Variants in ERCC6 observed in about 807,000 individuals in gnomAD.
ERCC6 encodes the protein DNA excision repair protein ERCC-6.
In ERCC6, 116 loss-of-function variants were observed where a neutral mutation model predicts 158.7. The ratio of observed to expected loss-of-function variants is 0.73; its 90% CI spans 0.63 to 0.85. ERCC6 has a LOEUF of 0.85. Among genes scored for constraint, ERCC6 ranks in the 40% least tolerant of loss-of-function variants. ERCC6 has a pLI of 0.00. For missense variants in ERCC6, 1,698 were observed against 1,799.4 expected, an observed-to-expected ratio of 0.94 and a Z score of 1.02; for synonymous variants, 678 against 659.3, an observed-to-expected ratio of 1.03 and a Z score of -0.43.
intron 5 of ERCC6, chr10:49,516,755 A>T: frequency 1.9e-6 from 3 of 1,614,154 alleles, no homozygotes; most frequent in East Asian, 2.2e-5. Context: ...CGGGTTGTAC[A>T]GTTAGGTCGG....
the ERCC6 span, among the ~76,000 whole-genome samples, chr10:49,441,132 T>C: frequency 6.6e-6 from 1 of 152,220 alleles, no homozygotes; most frequent in African/African-American, 2.4e-5. Context: ...AAATATATAA[T>C]GGTTTATTGC....
At chr10:49,479,440 T>G (rs1484032770) in intron 10 of ERCC6, among the ~76,000 whole-genome samples, 3 of 152,202 alleles carry the variant, frequency 2.0e-5, no homozygotes, top group Admixed American at 2.0e-4. Flanking sequence ...TGCATGTGCG[T>G]AAATATTAAA....
Position 49,505,994 on chromosome 10 carries a change from T to C in ERCC6, c.1416A>G (p.Arg472=), listed in dbSNP as rs779687046. The C allele has an allele frequency of 6.2e-7, 1 of 1,613,348 alleles. No homozygotes were observed. Among genetic ancestry groups the C allele is most frequent in the East Asian group, 2.2e-5 (1 of 44,858 alleles). ...TCAGACGTTTCTCTTTGTCCTGCAG[T>C]CTCAGTTTATTCCATCTCCTACCAT... is the stretch of plus-strand genomic sequence containing the variant. ...KQRLRRWNKL[R]LQDKEKRLKL... Residue 472 remains arginine (R), a synonymous_variant, in exon 6 of 21, where the codon AGA becomes AGG. Transcript: ENST00000355832.
At position 49,513,322 on chromosome 10, in the gene ERCC6, T is replaced by C. The variant is rs554908197; in HGVS notation, c.1398-7310A>G. 5.3e-5 allele frequency among the ~76,000 whole-genome samples: 8 copies of C among 152,296 alleles called. No homozygotes were observed. In the East Asian group the frequency reaches 1.5e-3, roughly 29 times the overall value. Reference sequence around the variant, plus strand: ...CTCTGGACAAGTTTTGTTTTGAGATTACATATACACACATACATACATATT... The same window carrying C: ...CTCTGGACAAGTTTTGTTTTGAGATCACATATACACACATACATACATATT... On this transcript the variant is annotated intron_variant, in intron 5 of 20. Coordinates refer to ENST00000355832, the MANE Select transcript of ERCC6 (RefSeq NM_000124.4).
At position 49,470,251 on chromosome 10, in the gene ERCC6, C is replaced by T; in HGVS notation, c.3709G>A (p.Glu1237Lys). 6.2e-7 allele frequency: 1 copy of T among 1,614,144 alleles called. No homozygotes were observed. Among genetic ancestry groups the T allele is most frequent in the Non-Finnish European group, 8.5e-7 (1 of 1,180,024 alleles). Residue 1237 changes from glutamate to lysine, a missense_variant, in exon 18 of 21, where the codon GAA becomes AAA. By Grantham distance (56) the Glu-to-Lys change is moderately conservative. Coordinates refer to ENST00000355832, the MANE Select transcript of ERCC6 (RefSeq NM_000124.4). Reference protein sequence around the residue: ...KKRRYQKQDSENKSEAKEQSN... With the variant: ...KKRRYQKQDSKNKSEAKEQSN... ...TGTTCCTTGGCCTCACTCTTGTTTT[C>T]ACTGTCTTGCTTCTGGTAACGCCTT...
At chr10:49,513,267 T>C (rs769452612) in intron 5 of ERCC6, among the ~76,000 whole-genome samples, 1 of 152,194 alleles carries the variant, frequency 6.6e-6, no homozygotes, top group Admixed American at 6.5e-5. Context: ...CCCTATGCTA[T>C]ATACTGCCTC....
rs541909446 is a variant in ERCC6 at position 49,461,556 on chromosome 10, A to T, written c.3779T>A (p.Val1260Asp). Residue 1260 changes from valine (V) to aspartate (D), a missense_variant and splice_region_variant, in exon 19 of 21, where the codon GTT becomes GAT. By Grantham distance (152) the Val-to-Asp change is radical. Transcript: ENST00000355832. ...GTGCTTCATGACACTGTGCACGCCA[A>T]CTAGCAAGAAAAGAAATAGCAAAGT... ...YVLEKLFKKSVGVHSVMKHDA... is the reference protein window; with the variant it reads ...YVLEKLFKKSDGVHSVMKHDA... The T allele has an allele frequency of 3.7e-6, 6 of 1,612,338 alleles. No homozygotes were observed. The South Asian group carries it at 5.5e-5, about 15-fold the overall frequency.
rs1250597594 is a variant in ERCC6, at chr10:49,483,426, A to G, written c.1912T>C (p.Tyr638His). ...IRLMQDDISR[Y>H]DWHYVILDEG... ...TCCAAGATCACATAGTGCCAGTCAT[A>G]CCTGCTAATGTCATCCTGCATCAAT... The change falls in exon 9 of 21, where the codon TAT becomes CAT. Residue 638 changes from tyrosine (Y) to histidine (H), a missense_variant. Physicochemically the swap from Tyr to His is moderately conservative, Grantham distance 83. Transcript: ENST00000355832. The G allele has an allele frequency of 6.2e-7, 1 of 1,614,036 alleles. No homozygotes were observed. The highest frequency in any genetic ancestry group is 2.2e-5 in the East Asian group (1 of 44,882).
At chr10:49,435,584 T>C in the ERCC6 span, among the ~76,000 whole-genome samples, 1 of 152,178 alleles carries the variant, frequency 6.6e-6, no homozygotes. Context: ...TTGGAAGAAA[T>C]CATATTGAAA....
intron 8 of ERCC6, among the ~76,000 whole-genome samples, chr10:49,491,602 A>C (rs1334130441): frequency 6.6e-6 from 1 of 152,194 alleles, no homozygotes; most frequent in Non-Finnish European, 1.5e-5. Flanking sequence ...ATTTCACCAA[A>C]TTTACTGTCA....
At chr10:49,519,481 G>A (rs1326049478) in intron 5 of ERCC6, among the ~76,000 whole-genome samples, 3 of 152,156 alleles carry the variant, frequency 2.0e-5, no homozygotes, top group Admixed American at 6.5e-5. Context: ...GAAAGGTGGC[G>A]AGGGAGCCTT....
chr10:49,473,807 C>T (rs1235914728), intron 13 of ERCC6, among the ~76,000 whole-genome samples: 1 of 152,218 alleles, frequency 6.6e-6, no homozygotes, highest in Non-Finnish European at 1.5e-5. Context: ...CCTAAACTTA[C>T]TTGCAGACTA....
intron 1 of ERCC6, among the ~76,000 whole-genome samples, chr10:49,537,928 G>A (rs904332995): frequency 6.6e-6 from 1 of 152,174 alleles, no homozygotes; most frequent in Non-Finnish European, 1.5e-5. Context: ...CACCACGTTG[G>A]TAAGGCTGGT....
In ERCC6 at chr10:49,532,605, G is replaced by A. The variant is rs2132639019; in HGVS notation, c.360C>T (p.Ala120=). ...CGTCAACGAGCTGGGAGGCACGGCT[G>A]GCCTCATGGATGGCATTGTCCACCT... ...LQQVDNAIHE[A]SRASQLVDVE... Residue 120 remains alanine (A), a synonymous_variant, in exon 2 of 21, where the codon GCC becomes GCT. Coordinates refer to ENST00000355832, the MANE Select transcript of ERCC6 (RefSeq NM_000124.4). 1.2e-6 allele frequency: 2 copies of A among 1,614,194 alleles called. No individual in the cohort carries two copies. The highest frequency in any genetic ancestry group is 2.2e-5 in the East Asian group (1 of 44,878).
At chr10:49,538,836 C>A (rs527280158) in intron 1 of ERCC6, 126 bp downstream of exon 1, 1 of 152,274 alleles carries the variant, frequency 6.6e-6, no homozygotes, top group Non-Finnish European at 1.5e-5. Flanking sequence ...CGCTACAGTG[C>A]GTCCTCGCTG....
intron 8 of ERCC6, among the ~76,000 whole-genome samples, chr10:49,492,032 T>C (rs990554063): frequency 1.3e-5 from 2 of 152,256 alleles, no homozygotes; most frequent in African/African-American, 4.8e-5. Flanking sequence ...AATTATCTTA[T>C]CCAGTTTATT....
Position 49,457,281 on chromosome 10 carries a change from C to T in ERCC6, c.*1534G>A, listed in dbSNP as rs1850498866. The T allele has an allele frequency of 6.6e-6, 1 of 152,000 alleles. No homozygotes were observed. The highest frequency in any genetic ancestry group is 2.1e-4 in the South Asian group (1 of 4,828). 9.4% of individuals were successfully genotyped at this position (152,000 alleles called of 1,614,324 possible). Reference sequence around the variant, plus strand: ...CTTCTAAACAATGATGGCAAAGTGACAAAAATAATGTAATCATCTTCTTCC... The same window carrying T: ...CTTCTAAACAATGATGGCAAAGTGATAAAAATAATGTAATCATCTTCTTCC... On this transcript the variant is annotated 3_prime_UTR_variant, in exon 21 of 21. Transcript: ENST00000355832.
rs112219023 is a variant in ERCC6 at position 49,487,677 on chromosome 10, G to C, written c.1822-4161C>G. ...GAGCTTTCCCACAGTTACCAAATGAGACACCAAGCTTCCCAAATGTATACC... is the reference window on the plus strand; with the variant it reads ...GAGCTTTCCCACAGTTACCAAATGACACACCAAGCTTCCCAAATGTATACC... On this transcript the variant is annotated intron_variant, in intron 8 of 20. Coordinates refer to ENST00000355832, the MANE Select transcript of ERCC6 (RefSeq NM_000124.4). Among the ~76,000 whole-genome samples, 533 of 152,202 alleles carry C rather than the reference G, an allele frequency of 3.5e-3. 3 individuals are homozygous for C. Among genetic ancestry groups the C allele is most frequent in the African/African-American group, 0.013 (519 of 41,512 alleles).
intron 5 of ERCC6, among the ~76,000 whole-genome samples, chr10:49,523,534 T>C (rs1183880728): frequency 1.3e-5 from 2 of 152,240 alleles, no homozygotes; most frequent in African/African-American, 4.8e-5. Context: ...GACTATTTTC[T>C]CAAGACAAAG....
Sources: gnomAD v4.1 joint callset for allele counts (sites outside exome capture counted in the v4.1 genomes callset) on GRCh38, gnomAD v4.1.1 for gene constraint, MANE v1.5 for transcripts, NCBI Gene and HGNC (gene_info 2026-07-23, HGNC 2026-07-21) for gene names.